The following FLVCR2 variants were observed in gnomAD, a reference collection of about 807,000 sequenced individuals.
FLVCR2 encodes the protein choline/ethanolamine transporter FLVCR2.
Under a neutral mutation model 48.9 loss-of-function variants are expected in FLVCR2, and 38 were observed. That is an observed-to-expected ratio of 0.78 (90% CI 0.60 to 1.02). FLVCR2 has a LOEUF of 1.02. Among genes scored for constraint, FLVCR2 ranks in the 50% least tolerant of loss-of-function variants. The pLI is 0.00. For synonymous variants in FLVCR2, 255 were observed against 257.0 expected (o/e 0.99, Z 0.07); for missense variants, 664 against 663.3 (o/e 1.00, Z -0.01).
chr14:75,640,847 G>C (rs968738538), intron 6 of FLVCR2, 108 bp from the exon 7 acceptor site: 4 of 796,940 alleles, frequency 5.0e-6, no homozygotes, highest in Non-Finnish European at 8.9e-6. Context: ...GTATGTCTTG[G>C]TGGGAAGAAA....
At position 75,622,094 on chromosome 14, in the gene FLVCR2, G is replaced by T; in HGVS notation, c.685G>T (p.Gly229Trp). The change falls in exon 2 of 10, where the codon GGG (glycine) becomes TGG (tryptophan). Residue 229 changes from glycine to tryptophan, a missense_variant. Gly to Trp is a radical substitution (Grantham distance 184). Transcript: ENST00000238667. ...TCTTCTATAGCTTGGAATTGCGATT[G>T]GGTTCTTGGTCCCTCCTGTTTTGGT... ...VFGNQLGIAI[G>W]FLVPPVLVPN... The T allele has an allele frequency of 6.2e-7, 1 of 1,614,112 alleles. No individual in the cohort carries two copies. Among genetic ancestry groups the T allele is most frequent in the African/African-American group, 1.3e-5 (1 of 75,010 alleles).
intron 3 of FLVCR2, among the ~76,000 whole-genome samples, chr14:75,630,961 A>T (rs1890024623): frequency 6.6e-6 from 1 of 152,184 alleles, no homozygotes. Flanking sequence ...AGGAGCATGC[A>T]TTTCATTCCT....
intron 2 of FLVCR2, among the ~76,000 whole-genome samples, chr14:75,623,122 C>T (rs1028873268): frequency 1.3e-5 from 2 of 152,104 alleles, no homozygotes; most frequent in African/African-American, 4.8e-5. Context: ...GCTGAGATTA[C>T]AGGTGCCTGT....
At position 75,609,071 on chromosome 14, in the gene FLVCR2, G is replaced by GT. The variant is rs112111169; in HGVS notation, c.670-12998dup. On this transcript the variant is annotated intron_variant, in intron 1 of 9. Coordinates refer to ENST00000238667, the MANE Select transcript of FLVCR2 (RefSeq NM_017791.3). ...CCCTCCTCCCCTTGGCCTGTCATGT[G>GT]TTTTTTTTTTAGACAATGCACCATA... Among the ~76,000 whole-genome samples the GT allele has an allele frequency of 5.9e-3, 872 of 148,090 alleles. 7 individuals are homozygous for GT. The highest frequency in any genetic ancestry group is 0.045 in the Middle Eastern group (13 of 292).
chr14:75,600,055 C>T (rs868529780), intron 1 of FLVCR2, among the ~76,000 whole-genome samples: 1 of 152,128 alleles, frequency 6.6e-6, no homozygotes, highest in Non-Finnish European at 1.5e-5. Context: ...GAGGTTGGCA[C>T]AAGGTACAGG....
intron 1 of FLVCR2, among the ~76,000 whole-genome samples, chr14:75,612,263 C>T (rs1270154765): frequency 6.6e-6 from 1 of 152,202 alleles, no homozygotes; most frequent in African/African-American, 2.4e-5. Flanking sequence ...TCAGTAGCTG[C>T]TGCTTCCTGC....
intron 1 of FLVCR2, among the ~76,000 whole-genome samples, chr14:75,595,150 T>C (rs1888986885): frequency 6.6e-6 from 1 of 152,218 alleles, no homozygotes; most frequent in South Asian, 2.1e-4. Context: ...GCCCAATGTA[T>C]CCAAAATATT....
chr14:75,579,640 A>C lies in FLVCR2; in HGVS notation c.668A>C (p.Gln223Pro). 1 of 1,614,086 alleles carries C rather than the reference A, an allele frequency of 6.2e-7. No individual in the cohort carries two copies. The highest frequency in any genetic ancestry group is 1.1e-5 in the South Asian group (1 of 91,074). Residue 223 changes from glutamine (Q) to proline (P), a missense_variant and splice_region_variant, in exon 1 of 10, where the codon CAG (glutamine) becomes CCG (proline). Physicochemically the swap from Gln to Pro is moderately conservative, Grantham distance 76 (BLOSUM62 -1). Coordinates refer to ENST00000238667, the MANE Select transcript of FLVCR2 (RefSeq NM_017791.3). The stretch of plus-strand genomic sequence containing the variant: ...TGCTCCGTGGCTGTCTTTGGCAATC[A>C]GGTAGGTAGAACAGTTTGTGAATGT... Reference protein sequence around the residue: ...TACSVAVFGNQLGIAIGFLVP... With the variant: ...TACSVAVFGNPLGIAIGFLVP...
At position 75,599,365 on chromosome 14, in the gene FLVCR2, T is replaced by C. The variant is rs4363806; in HGVS notation, c.669+19724T>C. Among the ~76,000 whole-genome samples the C allele has an allele frequency of 4.2e-3, 626 of 150,368 alleles. 4 individuals carry two copies. Among genetic ancestry groups the C allele is most frequent in the Middle Eastern group, 0.014 (4 of 294 alleles). ...AATTAAGAAACAATTCCATTTATAA[T>C]AGCATTAAAAAATAAAATACTTAGG... On this transcript the variant is annotated intron_variant, in intron 1 of 9. Coordinates refer to ENST00000238667, the MANE Select transcript of FLVCR2 (RefSeq NM_017791.3).
intron 3 of FLVCR2, chr14:75,631,719 G>A (rs1206393799): frequency 2.2e-6 from 1 of 455,342 alleles, no homozygotes; most frequent in Non-Finnish European, 4.4e-6. Flanking sequence ...AAGACGGGAG[G>A]AGACTATTTT....
chr14:75,624,038 C>T (rs960711639), intron 2 of FLVCR2, among the ~76,000 whole-genome samples: 40 of 151,364 alleles, frequency 2.6e-4, no homozygotes, highest in African/African-American at 7.8e-4. Context: ...GGCGACAGAG[C>T]GAGACTTCGT....
rs576782777 is a variant in FLVCR2 at position 75,613,094 on chromosome 14, T to A, written c.670-8985T>A. 1.6e-4 allele frequency among the ~76,000 whole-genome samples: 24 copies of A among 152,282 alleles called. 1 individual carries two copies. In the South Asian group the frequency reaches 4.8e-3, roughly 30 times the overall value. Reference sequence around the variant, plus strand: ...TGGGCATGGGCAATGAGTGTGGAAGTCACTTCCACATAATTCCCCAGGTGG... The same window carrying A: ...TGGGCATGGGCAATGAGTGTGGAAGACACTTCCACATAATTCCCCAGGTGG... On this transcript the variant is annotated intron_variant, in intron 1 of 9. Coordinates refer to ENST00000238667, the MANE Select transcript of FLVCR2 (RefSeq NM_017791.3).
At chr14:75,638,190 C>T (rs963242126) in intron 5 of FLVCR2, among the ~76,000 whole-genome samples, 5 of 152,030 alleles carry the variant, frequency 3.3e-5, no homozygotes, top group South Asian at 2.1e-4. Context: ...AATTAGAACA[C>T]TTTGGGAGGC....
rs1214541805 is a variant in FLVCR2 at position 75,612,811 on chromosome 14, C to T, written c.670-9268C>T. 5.3e-5 allele frequency among the ~76,000 whole-genome samples: 8 copies of T among 152,192 alleles called. No individual in the cohort carries two copies. In the South Asian group the frequency reaches 6.2e-4, roughly 12 times the overall value. ...AGTCCCAAGACCCCCTGCCAAACCT[C>T]GACTACATGTCCCAAGGTAGCTTGC... On this transcript the variant is annotated intron_variant, in intron 1 of 9. Coordinates refer to ENST00000238667, the MANE Select transcript of FLVCR2 (RefSeq NM_017791.3).
rs370583425 is a variant in FLVCR2 at position 75,641,218 on chromosome 14, A to G, written c.1378A>G (p.Ile460Val). The change falls in exon 8 of 10, where the codon ATT becomes GTT. Residue 460 changes from isoleucine to valine, a missense_variant. Coordinates refer to ENST00000238667, the MANE Select transcript of FLVCR2 (RefSeq NM_017791.3). The part of the protein sequence containing the change: ...GIIFTISQGQ[I>V]IDNYGTKPGN... ...CATCTTTACCATCTCCCAGGGCCAG[A>G]TTATTGACAACTATGGAACCAAGCC... The G allele has an allele frequency of 6.2e-7, 1 of 1,613,866 alleles. No homozygotes were observed. Among genetic ancestry groups the G allele is most frequent in the African/African-American group, 1.3e-5 (1 of 74,856 alleles).
At chr14:75,630,346 C>T (rs1890009802) in intron 3 of FLVCR2, among the ~76,000 whole-genome samples, 1 of 152,092 alleles carries the variant, frequency 6.6e-6, no homozygotes, top group Non-Finnish European at 1.5e-5. Flanking sequence ...TGGGTCTGGT[C>T]CCTGATCTTT....
chr14:75,596,036 T>C lies in FLVCR2; in HGVS notation c.669+16395T>C, dbSNP rs1889010725. 5 of 1,341,338 alleles carry C rather than the reference T, an allele frequency of 3.7e-6. No homozygotes were observed. The East Asian group carries it at 9.2e-5, about 25-fold the overall frequency. The allele number at this position is 1,341,338 out of a possible 1,614,324, so 83.1% of individuals were successfully genotyped here. A position where few individuals can be genotyped will look rare whatever the true frequency, so the allele number is the denominator to read the frequency against. On this transcript the variant is annotated intron_variant, in intron 1 of 9. Transcript: ENST00000238667. ...CACCAAAATGAGTTTTGAATGCAAA[T>C]ACAAAGATGACATCCAGTGTGGTCT...
intron 1 of FLVCR2, among the ~76,000 whole-genome samples, chr14:75,580,943 T>C (rs1888584238): frequency 6.6e-6 from 1 of 152,146 alleles, no homozygotes; most frequent in Admixed American, 6.5e-5. Context: ...TGTCTTCTTA[T>C]ATTAATAAGA....
chr14:75,631,557 T>C (rs1377107388), intron 3 of FLVCR2, among the ~76,000 whole-genome samples: 1 of 152,164 alleles, frequency 6.6e-6, no homozygotes, highest in Non-Finnish European at 1.5e-5. Context: ...ATTTCCTTTC[T>C]TTTTCTGTGG....
Sources: allele counts gnomAD v4.1 joint callset (sites outside exome capture counted in the v4.1 genomes callset), GRCh38; gene constraint gnomAD v4.1.1; transcripts MANE v1.5; gene names NCBI Gene and HGNC (gene_info 2026-07-23, HGNC 2026-07-21).